The following SRSF11 variants were observed in gnomAD, a reference collection of about 807,000 sequenced individuals.
The protein encoded by SRSF11 is serine and arginine rich splicing factor 11.
A neutral mutation model predicts 56.0 loss-of-function variants in SRSF11; 9 were observed. The ratio of observed to expected loss-of-function variants is 0.16; its 90% CI spans 0.10 to 0.28. SRSF11 has a LOEUF of 0.28. SRSF11 is among the 10% of genes least tolerant of loss of function. The pLI is 1.00. For synonymous variants in SRSF11, 222 were observed against 215.3 expected (o/e 1.03, Z -0.27); for missense variants, 421 against 600.7 (o/e 0.70, Z 3.13).
rs1400119387 is a variant in SRSF11 at position 70,251,239 on chromosome 1, T to C, written c.*434T>C. On this transcript the variant is annotated 3_prime_UTR_variant, in exon 12 of 12. Coordinates refer to ENST00000370949, the MANE Select transcript of SRSF11 (RefSeq NM_001350605.2). Reference sequence around the variant, plus strand: ...GTGGCAAGAATATCCTAAATGTCATTAAAATCCTCCAACATGATGGATCTA... The same window carrying C: ...GTGGCAAGAATATCCTAAATGTCATCAAAATCCTCCAACATGATGGATCTA... 1 of 158,776 alleles carries C rather than the reference T, an allele frequency of 6.3e-6. No individual in the cohort carries two copies. The highest frequency in any genetic ancestry group is 1.4e-5 in the Non-Finnish European group (1 of 71,420). The allele number at this position is 158,776 out of a possible 1,614,324, so 9.8% of individuals were successfully genotyped here.
At chr1:70,241,420 T>G (rs925820104) in intron 7 of SRSF11, among the ~76,000 whole-genome samples, 36 of 152,236 alleles carry the variant, frequency 2.4e-4, no homozygotes, top group African/African-American at 7.7e-4. Context: ...TATGTCTGTT[T>G]ATTCCCTGTC....
intron 1 of SRSF11, chr1:70,205,831 C>T (rs1668952836): frequency 1.0e-5 from 3 of 294,340 alleles, no homozygotes; most frequent in Non-Finnish European, 1.3e-5. Flanking sequence ...ATTGTTTGCA[C>T]TGTTACTGCG....
chr1:70,248,991 C>A (rs1677374706), intron 9 of SRSF11: 1 of 152,158 alleles, frequency 6.6e-6, no homozygotes, highest in South Asian at 2.1e-4. Context: ...AAAAAAGCTT[C>A]ATTTGGAAAT....
intron 1 of SRSF11, among the ~76,000 whole-genome samples, chr1:70,209,740 CTTTTTTTTTTTTTTTTTTTTT>C (rs923729248): frequency 0.06 from 1,646 of 27,474 alleles, 32 homozygotes; most frequent in South Asian, 0.24. Flanking sequence ...CACCTCGCTT[CTTTTTTTTTTTTTTTTTTTTT>C]TTTTTTTTTT....
intron 7 of SRSF11, among the ~76,000 whole-genome samples, chr1:70,241,042 G>T (rs1034147401): frequency 6.6e-6 from 1 of 152,118 alleles, no homozygotes; most frequent in Non-Finnish European, 1.5e-5. Flanking sequence ...AAAGTGCTGG[G>T]ATTACAGGTG....
At chr1:70,243,837 C>T (rs1676110719) in intron 7 of SRSF11, among the ~76,000 whole-genome samples, 1 of 152,006 alleles carries the variant, frequency 6.6e-6, no homozygotes, top group African/African-American at 2.4e-5. Context: ...TGGCTTGAGC[C>T]CAGGAGTTCA....
At chr1:70,224,131 GC>G (rs965744709) in intron 1 of SRSF11, among the ~76,000 whole-genome samples, 1 of 152,068 alleles carries the variant, frequency 6.6e-6, no homozygotes, top group African/African-American at 2.4e-5. Flanking sequence ...CAGGTAATAT[GC>G]CATGATTTTA....
At chr1:70,244,863 A>C in intron 8 of SRSF11, 48 bp downstream of exon 8, 1 of 1,589,466 alleles carries the variant, frequency 6.3e-7, no homozygotes, top group Non-Finnish European at 8.6e-7. Context: ...CAGTACCCCT[A>C]GTACTGTGCT....
intron 1 of SRSF11, among the ~76,000 whole-genome samples, chr1:70,215,611 A>G (rs1378415999): frequency 2.0e-5 from 3 of 152,218 alleles, no homozygotes; most frequent in Non-Finnish European, 4.4e-5. Context: ...CTATTTAACA[A>G]CTAATTTCAT....
At chr1:70,234,561 A>G (rs1259613952) in intron 3 of SRSF11, 135 bp from the exon 4 acceptor site, 1 of 592,652 alleles carries the variant, frequency 1.7e-6, no homozygotes, top group Non-Finnish European at 2.9e-6. Context: ...TTTGTGTACA[A>G]CTGAGGAGTT....
At chr1:70,225,486 G>A (rs79679269) in intron 1 of SRSF11, among the ~76,000 whole-genome samples, 1,956 of 152,160 alleles carry the variant, frequency 0.013, 52 homozygotes, top group African/African-American at 0.044. Context: ...TTATGAGCTC[G>A]AAATTCTCCA....
chr1:70,250,123 T>C, intron 10 of SRSF11, 76 bp downstream of exon 10: 8 of 1,408,936 alleles, frequency 5.7e-6, no homozygotes, highest in Non-Finnish European at 7.9e-6. Flanking sequence ...CCTGTAGTTT[T>C]TCTTTTCAGC....
At chr1:70,216,891 A>G (rs1209843642), upstream of SRSF11, among the ~76,000 whole-genome samples, 1 of 152,208 alleles carries the variant, frequency 6.6e-6, no homozygotes, top group Non-Finnish European at 1.5e-5. Flanking sequence ...TCTCTGAAGT[A>G]TAAACTGGAA....
chr1:70,250,589 A>G lies in SRSF11; in HGVS notation c.1258-19A>G. On this transcript the variant is annotated intron_variant, in intron 11 of 11. Transcript: ENST00000370949. Reference sequence around the variant, plus strand: ...TTTTTCTTTGGAGAAGTTTACTTTTATTATTCTCCTTGGCAAAGCAGGTTA... The same window carrying G: ...TTTTTCTTTGGAGAAGTTTACTTTTGTTATTCTCCTTGGCAAAGCAGGTTA... The G allele has an allele frequency of 6.2e-7, 1 of 1,611,140 alleles. No homozygotes were observed. Among genetic ancestry groups the G allele is most frequent in the Non-Finnish European group, 8.5e-7 (1 of 1,179,192 alleles).
chr1:70,231,078 G>T (rs1389428566), intron 2 of SRSF11: 1 of 1,288,902 alleles, frequency 7.8e-7, no homozygotes, highest in Non-Finnish European at 1.0e-6. Flanking sequence ...TTTCTTTTTT[G>T]TTGTTGTGTT....
intron 9 of SRSF11, chr1:70,248,990 T>C (rs1185999685): frequency 6.6e-6 from 1 of 152,136 alleles, no homozygotes; most frequent in Non-Finnish European, 1.5e-5. Context: ...AAAAAAAGCT[T>C]CATTTGGAAA....
intron 1 of SRSF11, among the ~76,000 whole-genome samples, chr1:70,225,211 A>G (rs1671504036): frequency 6.6e-6 from 1 of 152,248 alleles, no homozygotes; most frequent in Non-Finnish European, 1.5e-5. Context: ...AGGCTGCTGT[A>G]ATACGGAGAT....
At chr1:70,207,782 G>A (rs1175221713) in intron 1 of SRSF11, among the ~76,000 whole-genome samples, 2 of 149,616 alleles carry the variant, frequency 1.3e-5, no homozygotes, top group Non-Finnish European at 3.0e-5. Context: ...ATGAAGTACA[G>A]TGGTGCGATC....
rs1674344884 is a variant in SRSF11, at chr1:70,237,307, C to T, written c.591-118C>T. ...TTACCAAAGTTATCATGGAGTCCTC[C>T]CCTCCCTTTTTTTGAAGGAATATTT... On this transcript the variant is annotated intron_variant, in intron 5 of 11. Transcript: ENST00000370949. The T allele has an allele frequency of 2.4e-6, 3 of 1,276,246 alleles. No individual in the cohort carries two copies. The South Asian group carries it at 4.1e-5, about 17-fold the overall frequency. 79.1% of individuals were successfully genotyped at this position (1,276,246 alleles called of 1,614,324 possible). A position where few individuals can be genotyped will look rare whatever the true frequency, so the allele number is the denominator to read the frequency against.
Sources: gnomAD v4.1 joint callset for allele counts (sites outside exome capture counted in the v4.1 genomes callset) on GRCh38, gnomAD v4.1.1 for gene constraint, MANE v1.5 for transcripts, NCBI Gene and HGNC (gene_info 2026-07-23, HGNC 2026-07-21) for gene names.